Variants in APBB2 observed in about 807,000 individuals in gnomAD.
APBB2 encodes Fe65-like 1.
Under a neutral mutation model 82.5 loss-of-function variants are expected in APBB2, and 38 were observed. That is an observed-to-expected ratio of 0.46 (90% CI 0.36 to 0.60). The LOEUF is 0.60. Among genes scored for constraint, APBB2 ranks in the 20% least tolerant of loss-of-function variants. The pLI, the probability that APBB2 is intolerant of heterozygous loss-of-function variation, is 0.00. For synonymous variants in APBB2, 341 were observed against 368.2 expected (o/e 0.93, Z 0.85); for missense variants, 772 against 972.3 (o/e 0.79, Z 2.74).
chr4:41,013,684 C>T lies in APBB2; in HGVS notation c.734G>A (p.Cys245Tyr). ...DHPKTGAKTD[C>Y]ALHRIQNLAP... ...CAGGTTCTGGATCCGGTGCAGTGCA[C>T]AGTCGGTTTTGGCCCCTGTTTTCGG... The change falls in exon 6 of 18, where the codon TGT becomes TAT. Residue 245 changes from cysteine (C) to tyrosine (Y), a missense_variant. Transcript: ENST00000508593. 6.2e-7 allele frequency: 1 copy of T among 1,614,218 alleles called. No homozygotes were observed. Among genetic ancestry groups the T allele is most frequent in the South Asian group, 1.1e-5 (1 of 91,090 alleles).
intron 3 of APBB2, among the ~76,000 whole-genome samples, chr4:41,076,953 T>C (rs889212231): frequency 2.7e-5 from 4 of 150,878 alleles, no homozygotes; most frequent in Non-Finnish European, 5.9e-5. Context: ...TAATAGATAA[T>C]AGAGGTAAAT....
chr4:40,961,584 T>C (rs1460778486), intron 6 of APBB2, among the ~76,000 whole-genome samples: 1 of 142,020 alleles, frequency 7.0e-6, no homozygotes, highest in South Asian at 2.3e-4. Context: ...GCGTGGCACA[T>C]GTATGCATAT....
intron 1 of APBB2, among the ~76,000 whole-genome samples, chr4:41,192,489 C>G (rs1015288190): frequency 1.1e-4 from 17 of 152,116 alleles, no homozygotes; most frequent in Non-Finnish European, 1.9e-4. Flanking sequence ...TTGGCCACAA[C>G]ATGGACGAAC....
rs140145570 is a variant in APBB2 at position 40,923,434 on chromosome 4, G to A, written c.1254+11022C>T. Reference sequence around the variant, plus strand: ...GATGGCCTTGGAATGCCAGCTTCAGGACCCCCAGGTCTCGACCAGCTGGCC... The same window carrying A: ...GATGGCCTTGGAATGCCAGCTTCAGAACCCCCAGGTCTCGACCAGCTGGCC... On this transcript the variant is annotated intron_variant, in intron 10 of 17. Coordinates refer to ENST00000508593, the MANE Select transcript of APBB2 (RefSeq NM_004307.2). Among the ~76,000 whole-genome samples the A allele has an allele frequency of 6.6e-4, 101 of 152,330 alleles. No individual in the cohort carries two copies. The East Asian group carries it at 0.018, about 27-fold the overall frequency.
chr4:40,854,840 G>A (rs28618076), intron 12 of APBB2, among the ~76,000 whole-genome samples: 3,573 of 151,666 alleles, frequency 0.024, 143 homozygotes, highest in African/African-American at 0.081. Context: ...ATTTCCTAGG[G>A]GGGCTGTCCA....
intron 4 of APBB2, among the ~76,000 whole-genome samples, chr4:41,038,966 T>A (rs921349310): frequency 2.1e-5 from 3 of 144,458 alleles, no homozygotes; most frequent in Non-Finnish European, 1.6e-5. Flanking sequence ...TATTGACAAC[T>A]CAGACATGAT....
chr4:40,900,266 A>T (rs1774893793), intron 10 of APBB2, among the ~76,000 whole-genome samples: 1 of 152,114 alleles, frequency 6.6e-6, no homozygotes, highest in South Asian at 2.1e-4. Flanking sequence ...GTCCTGGAGG[A>T]CTACAGAGAT....
intron 6 of APBB2, among the ~76,000 whole-genome samples, chr4:40,946,176 G>A (rs1168493624): frequency 6.9e-6 from 1 of 144,776 alleles, no homozygotes; most frequent in African/African-American, 2.6e-5. Flanking sequence ...AGGTTGCAGT[G>A]AGCTGAGATC....
chr4:40,997,643 A>C (rs946566959), intron 6 of APBB2, among the ~76,000 whole-genome samples: 1 of 152,136 alleles, frequency 6.6e-6, no homozygotes, highest in Non-Finnish European at 1.5e-5. Flanking sequence ...GATTGAAGCT[A>C]TTTTCATAAC....
intron 1 of APBB2, among the ~76,000 whole-genome samples, chr4:41,150,262 A>T (rs1420099865): frequency 6.6e-6 from 1 of 152,190 alleles, no homozygotes; most frequent in Non-Finnish European, 1.5e-5. Flanking sequence ...GATGTGAAAA[A>T]CATGTATTAA....
intron 1 of APBB2, among the ~76,000 whole-genome samples, chr4:41,206,464 A>C (rs1213648566): frequency 1.3e-5 from 2 of 152,210 alleles, no homozygotes; most frequent in African/African-American, 2.4e-5. Context: ...GGAACAAATG[A>C]AGCCGAGGTT....
At chr4:40,909,292 CG>C (rs2154361915) in intron 10 of APBB2, among the ~76,000 whole-genome samples, 1 of 152,276 alleles carries the variant, frequency 6.6e-6, no homozygotes, top group Non-Finnish European at 1.5e-5. Context: ...TATTAATTTA[CG>C]GAGAGAAACG....
At chr4:41,120,418 C>T (rs1752457597) in intron 2 of APBB2, among the ~76,000 whole-genome samples, 1 of 152,176 alleles carries the variant, frequency 6.6e-6, no homozygotes, top group Non-Finnish European at 1.5e-5. Context: ...GTGACTGATC[C>T]TGTGCTGCAA....
intron 10 of APBB2, among the ~76,000 whole-genome samples, chr4:40,914,707 C>T (rs541237018): frequency 6.6e-6 from 1 of 152,352 alleles, no homozygotes; most frequent in Admixed American, 6.5e-5. Flanking sequence ...AGGAGCAATG[C>T]TTCAGTATTC....
intron 17 of APBB2, among the ~76,000 whole-genome samples, chr4:40,820,993 C>G (rs534154820): frequency 7.2e-5 from 11 of 152,192 alleles, no homozygotes; most frequent in Middle Eastern, 3.4e-3. Context: ...CTCAGCCTCC[C>G]GAGTAGCTGG....
At chr4:40,868,986 C>G (rs1454897953) in intron 12 of APBB2, among the ~76,000 whole-genome samples, 1 of 152,086 alleles carries the variant, frequency 6.6e-6, no homozygotes, top group Non-Finnish European at 1.5e-5. Flanking sequence ...ATATTTATTT[C>G]TTATACATGT....
At chr4:40,928,153 A>G (rs1055418053) in intron 10 of APBB2, among the ~76,000 whole-genome samples, 6 of 152,246 alleles carry the variant, frequency 3.9e-5, no homozygotes, top group Non-Finnish European at 5.9e-5. Flanking sequence ...AGCCTTGGAT[A>G]TAGAAAGTTT....
At chr4:40,847,499 G>A (rs1047052421) in intron 12 of APBB2, among the ~76,000 whole-genome samples, 3 of 152,078 alleles carry the variant, frequency 2.0e-5, no homozygotes, top group Non-Finnish European at 4.4e-5. Flanking sequence ...ACACCAGAAG[G>A]CTCCTATCTG....
chr4:40,828,141 C>G (rs1428442224), intron 13 of APBB2, among the ~76,000 whole-genome samples: 1 of 152,226 alleles, frequency 6.6e-6, no homozygotes, highest in East Asian at 1.9e-4. Flanking sequence ...ATTACCCAGT[C>G]TTGGGTATGT....
Sources: allele counts gnomAD v4.1 joint callset (sites outside exome capture counted in the v4.1 genomes callset), GRCh38; gene constraint gnomAD v4.1.1; transcripts MANE v1.5; gene names NCBI Gene and HGNC (gene_info 2026-07-23, HGNC 2026-07-21).